The following CDH12 variants were observed in gnomAD, a reference collection of about 807,000 sequenced individuals.
CDH12 encodes cadherin 12, also known as cadherin-12.
In CDH12, 41 loss-of-function variants were observed where a neutral mutation model predicts 74.1. The observed-to-expected ratio is 0.55, with a 90% CI of 0.43 to 0.72. The LOEUF is 0.72. CDH12 is among the 30% of genes least tolerant of loss of function. CDH12 has a pLI of 0.00. For missense variants in CDH12, 945 were observed against 977.2 expected, an observed-to-expected ratio of 0.97 and a Z score of 0.44; for synonymous variants, 399 against 355.0, an observed-to-expected ratio of 1.12 and a Z score of -1.39.
At chr5:22,506,452 T>C (rs1418931230) in intron 1 of CDH12, among the ~76,000 whole-genome samples, 2 of 152,176 alleles carry the variant, frequency 1.3e-5, no homozygotes, top group African/African-American at 2.4e-5. Flanking sequence ...CTTCGTGAGC[T>C]CTTTCAATTA....
At chr5:21,789,168 TTA>T (rs994512254) in intron 10 of CDH12, among the ~76,000 whole-genome samples, 1 of 152,178 alleles carries the variant, frequency 6.6e-6, no homozygotes, top group African/African-American at 2.4e-5. Flanking sequence ...ATTGTATGTA[TTA>T]TATATGTTAC....
chr5:22,804,716 A>C (rs1377053380), intron 1 of CDH12, among the ~76,000 whole-genome samples: 2 of 152,334 alleles, frequency 1.3e-5, no homozygotes, highest in East Asian at 3.9e-4. Context: ...CCAGACCAAC[A>C]AAATACCTTT....
chr5:22,266,228 A>C (rs891861899), intron 3 of CDH12, among the ~76,000 whole-genome samples: 1 of 152,054 alleles, frequency 6.6e-6, no homozygotes, highest in South Asian at 2.1e-4. Flanking sequence ...GGCACTCACC[A>C]CCACGACCGG....
intron 5 of CDH12, among the ~76,000 whole-genome samples, chr5:22,056,790 A>G (rs562317729): frequency 5.7e-4 from 87 of 152,220 alleles, no homozygotes; most frequent in Non-Finnish European, 1.1e-3. Flanking sequence ...TGATAACCTT[A>G]TGGTTTCCTA....
chr5:22,440,588 G>A (rs1215973306), intron 2 of CDH12, among the ~76,000 whole-genome samples: 1 of 152,078 alleles, frequency 6.6e-6, no homozygotes, highest in Admixed American at 6.6e-5. Flanking sequence ...GGTGTCAGCA[G>A]AACCATCCTT....
chr5:21,802,507 GTTA>G, intron 9 of CDH12, 87 bp from the exon 10 acceptor site: 2 of 1,107,398 alleles, frequency 1.8e-6, no homozygotes, highest in Non-Finnish European at 2.7e-6. Context: ...CAATTTGCAA[GTTA>G]TTATCAATTA....
intron 3 of CDH12, among the ~76,000 whole-genome samples, chr5:22,268,448 A>G (rs1422425968): frequency 6.6e-6 from 1 of 152,160 alleles, no homozygotes; most frequent in Non-Finnish European, 1.5e-5. Flanking sequence ...GCCCAACTCT[A>G]TTTAAAACAG....
At chr5:22,454,666 G>C (rs2126570019) in intron 2 of CDH12, among the ~76,000 whole-genome samples, 1 of 152,134 alleles carries the variant, frequency 6.6e-6, no homozygotes, top group South Asian at 2.1e-4. Flanking sequence ...GTAGGTACGG[G>C]GTTTCACCAT....
chr5:22,229,351 T>C, intron 3 of CDH12, among the ~76,000 whole-genome samples: 1 of 40,032 alleles, frequency 2.5e-5, no homozygotes, highest in East Asian at 6.7e-4. Context: ...TTATTTTTTC[T>C]GCCTTTTACA....
rs11305654 is a variant in CDH12, at chr5:22,756,958, CAA to C, written c.-523+96098_-523+96099del. Among the ~76,000 whole-genome samples the C allele has an allele frequency of 3.5e-3, 508 of 143,200 alleles. 5 individuals carry two copies. Among genetic ancestry groups the C allele is most frequent in the African/African-American group, 0.011 (423 of 38,998 alleles). 93.9% of individuals were successfully genotyped at this position (143,200 alleles called of 152,430 possible). A position where few individuals can be genotyped will look rare whatever the true frequency, so the allele number is the denominator to read the frequency against. On this transcript the variant is annotated intron_variant, in intron 1 of 14. Transcript: ENST00000382254. ...TAGGCAACAGAGAAAGACTCCGTCT[CAA>C]AAAAAAAAAAAAATTAATTGTTACT...
intron 1 of CDH12, among the ~76,000 whole-genome samples, chr5:22,773,174 A>G (rs1746903315): frequency 6.6e-6 from 1 of 152,120 alleles, no homozygotes; most frequent in Non-Finnish European, 1.5e-5. Context: ...CTATAGAATC[A>G]AAAAAGAGCC....
At chr5:22,836,952 A>G (rs974077261) in intron 1 of CDH12, among the ~76,000 whole-genome samples, 2 of 152,228 alleles carry the variant, frequency 1.3e-5, no homozygotes, top group African/African-American at 2.4e-5. Flanking sequence ...GAAGCTAAAG[A>G]AGAATATCAT....
rs184029353 is a variant in CDH12, at chr5:21,901,072, T to C, written c.527-46282A>G. On this transcript the variant is annotated intron_variant, in intron 6 of 14. Coordinates refer to ENST00000382254, the MANE Select transcript of CDH12 (RefSeq NM_004061.5). The stretch of plus-strand genomic sequence containing the variant: ...GATTTAAATTCAGCCAGAGAAGAGA[T>C]TGCTCATATTTCTTCAGGGTTTTCT... Among the ~76,000 whole-genome samples the C allele has an allele frequency of 1.4e-3, 206 of 152,340 alleles. 2 individuals carry two copies. Among genetic ancestry groups the C allele is most frequent in the Non-Finnish European group, 2.9e-4 (20 of 68,034 alleles).
intron 1 of CDH12, among the ~76,000 whole-genome samples, chr5:22,585,517 C>G (rs1322721947): frequency 1.3e-5 from 2 of 152,076 alleles, no homozygotes; most frequent in African/African-American, 2.4e-5. Context: ...TTATCTTCTT[C>G]GGGAAAATCC....
chr5:22,101,348 T>C (rs2150249825), intron 4 of CDH12, among the ~76,000 whole-genome samples: 1 of 152,324 alleles, frequency 6.6e-6, no homozygotes, highest in Non-Finnish European at 1.5e-5. Flanking sequence ...TGTATATTTA[T>C]ATGTATTGTT....
chr5:21,973,048 A>C (rs1369183019), intron 6 of CDH12, among the ~76,000 whole-genome samples: 16 of 74,210 alleles, frequency 2.2e-4, no homozygotes, highest in African/African-American at 3.5e-4. Context: ...TACAAAAAGT[A>C]AAAAAAAAAA....
At chr5:22,343,891 C>T (rs1739999453) in intron 3 of CDH12, among the ~76,000 whole-genome samples, 1 of 152,176 alleles carries the variant, frequency 6.6e-6, no homozygotes, top group Non-Finnish European at 1.5e-5. Context: ...GCTCAGTTTA[C>T]CCTAGCATAT....
At chr5:22,060,846 AAGG>A (rs1741137691) in intron 5 of CDH12, among the ~76,000 whole-genome samples, 1 of 152,146 alleles carries the variant, frequency 6.6e-6, no homozygotes, top group Non-Finnish European at 1.5e-5. Context: ...CTCCGAAACA[AAGG>A]AGAAGAGTTG....
intron 4 of CDH12, among the ~76,000 whole-genome samples, chr5:22,112,881 A>C (rs1744892938): frequency 6.6e-6 from 1 of 152,174 alleles, no homozygotes; most frequent in Non-Finnish European, 1.5e-5. Flanking sequence ...TTAAAGGGGC[A>C]GTTTAACAGA....
Sources: allele counts gnomAD v4.1 joint callset (sites outside exome capture counted in the v4.1 genomes callset), GRCh38; gene constraint gnomAD v4.1.1; transcripts MANE v1.5; gene names NCBI Gene and HGNC (gene_info 2026-07-23, HGNC 2026-07-21).